The following SPATA6 variants were observed in gnomAD, a reference collection of about 807,000 sequenced individuals.
The protein encoded by SPATA6 is spermatogenesis-associated protein 6.
SPATA6 carries 56 observed loss-of-function variants against 65.3 expected under a neutral mutation model. The ratio of observed to expected loss-of-function variants is 0.86; its 90% confidence interval spans 0.69 to 1.07. The LOEUF (loss-of-function observed/expected upper bound fraction) is 1.07. Ranked by LOEUF, SPATA6 falls within the 50% of genes least tolerant of loss-of-function variation. The pLI, the probability that SPATA6 is intolerant of heterozygous loss-of-function variation, is 0.00. For missense variants in SPATA6, 590 were observed against 594.8 expected, an observed-to-expected ratio of 0.99 and a Z score of 0.08; for synonymous variants, 199 against 213.2, an observed-to-expected ratio of 0.93 and a Z score of 0.58.
chr1:48,322,821 T>C (rs1427444441), intron 11 of SPATA6, among the ~76,000 whole-genome samples: 1 of 152,142 alleles, frequency 6.6e-6, no homozygotes, highest in Non-Finnish European at 1.5e-5. Context: ...TATGAAAAAA[T>C]GCTCATCATC....
In SPATA6 at chr1:48,426,040, T is replaced by C. The variant is rs368757844; in HGVS notation, c.239-12889A>G. Among the ~76,000 whole-genome samples, 159 of 152,234 alleles carry C rather than the reference T, an allele frequency of 1.0e-3. 1 individual carries two copies. Among genetic ancestry groups the C allele is most frequent in the African/African-American group, 3.6e-3 (148 of 41,536 alleles). ...ACAAGAATCGCTAATGGATTAAAAA[T>C]GTAAGCCACAGAGTGGGACAAGATA... On this transcript the variant is annotated intron_variant, in intron 3 of 12. Transcript: ENST00000371847.
chr1:48,335,611 A>G (rs764978101), intron 11 of SPATA6, among the ~76,000 whole-genome samples: 1 of 152,146 alleles, frequency 6.6e-6, no homozygotes, highest in Non-Finnish European at 1.5e-5. Context: ...CCACTTCCTT[A>G]AAACATATGC....
rs78393265 is a variant in SPATA6, at chr1:48,403,587, G to C, written c.486+215C>G. Among the ~76,000 whole-genome samples the C allele has an allele frequency of 2.4e-3, 369 of 152,104 alleles. 2 individuals carry two copies. The highest frequency in any genetic ancestry group is 3.1e-3 in the Non-Finnish European group (211 of 67,972). On this transcript the variant is annotated intron_variant, in intron 6 of 12. Coordinates refer to ENST00000371847, the MANE Select transcript of SPATA6 (RefSeq NM_019073.4). Reference sequence around the variant, plus strand: ...AAAATAGTAGTAATAATAATCACAAGATGACATCCTCTATCATACACACCA... The same window carrying C: ...AAAATAGTAGTAATAATAATCACAACATGACATCCTCTATCATACACACCA...
Position 48,378,201 on chromosome 1 carries a change from C to A in SPATA6, c.909+7108G>T, listed in dbSNP as rs562956334. Among the ~76,000 whole-genome samples, 3 of 152,292 alleles carry A rather than the reference C, an allele frequency of 2.0e-5. No individual in the cohort carries two copies. The South Asian group carries it at 6.2e-4, about 32-fold the overall frequency. ...GTTTACCAGTTGTTATCTTAATGTA[C>A]TAGCCTTATCAGAAATCAATATATG... On this transcript the variant is annotated intron_variant, in intron 9 of 12. Transcript: ENST00000371847.
chr1:48,344,471 CAT>C (rs933855028), intron 11 of SPATA6, among the ~76,000 whole-genome samples: 1 of 152,052 alleles, frequency 6.6e-6, no homozygotes. Context: ...AAAGGAACCA[CAT>C]AGTCTGCGAG....
chr1:48,471,399 G>A (rs893328059), intron 1 of SPATA6, among the ~76,000 whole-genome samples: 3 of 152,324 alleles, frequency 2.0e-5, no homozygotes, highest in Non-Finnish European at 4.4e-5. Flanking sequence ...AAGGCCCTGG[G>A]AGGGAAGGCA....
intron 8 of SPATA6, among the ~76,000 whole-genome samples, chr1:48,392,236 T>C (rs1412785598): frequency 2.6e-5 from 4 of 152,082 alleles, no homozygotes; most frequent in African/African-American, 7.2e-5. Context: ...ATGAGACTCA[T>C]AAAAGAATCT....
In SPATA6 at chr1:48,305,858, T is replaced by G. The variant is rs1451127222; in HGVS notation, c.1215A>C (p.Lys405Asn). ...TTCTTTTCAGTTCCAGTTCATCATCTTTCTCTAGGTCTCTCTCATCCTGAA... is the reference window on the plus strand; with the variant it reads ...TTCTTTTCAGTTCCAGTTCATCATCGTTCTCTAGGTCTCTCTCATCCTGAA... ...RHLYDERDLE[K>N]DDELELKRSL... is the part of the protein sequence containing the mutation. Residue 405 changes from lysine to asparagine, a missense_variant, in exon 12 of 13, where the codon AAA becomes AAC. Lys to Asn is a moderately conservative substitution (Grantham distance 94). Coordinates refer to ENST00000371847, the MANE Select transcript of SPATA6 (RefSeq NM_019073.4). 1 of 1,612,124 alleles carries G rather than the reference T, an allele frequency of 6.2e-7. No individual in the cohort carries two copies. The highest frequency in any genetic ancestry group is 8.5e-7 in the Non-Finnish European group (1 of 1,178,826).
intron 9 of SPATA6, among the ~76,000 whole-genome samples, chr1:48,361,225 G>C (rs1646803760): frequency 6.6e-6 from 1 of 152,110 alleles, no homozygotes; most frequent in Admixed American, 6.6e-5. Context: ...CCAATATTTA[G>C]AGGCTTGAAA....
At chr1:48,331,609 T>C (rs1645917291) in intron 11 of SPATA6, among the ~76,000 whole-genome samples, 1 of 152,156 alleles carries the variant, frequency 6.6e-6, no homozygotes, top group African/African-American at 2.4e-5. Context: ...CTGGCATCCC[T>C]GAAAGACATG....
At chr1:48,398,739 A>T (rs897078479) in intron 7 of SPATA6, among the ~76,000 whole-genome samples, 3 of 151,758 alleles carry the variant, frequency 2.0e-5, no homozygotes, top group Non-Finnish European at 3.0e-5. Context: ...AATTTAGCCA[A>T]AGTCTACTTG....
At chr1:48,282,705 A>T in the SPATA6 span, among the ~76,000 whole-genome samples, 1 of 152,172 alleles carries the variant, frequency 6.6e-6, no homozygotes, top group Admixed American at 6.5e-5. Context: ...GAGGATGTGG[A>T]GAAATAGGAA....
At chr1:48,418,919 AAAGGG>A (rs1653063884) in intron 3 of SPATA6, among the ~76,000 whole-genome samples, 1 of 150,994 alleles carries the variant, frequency 6.6e-6, no homozygotes, top group African/African-American at 2.5e-5. Context: ...GAGGAAAGGG[AAAGGG>A]AAGGGAAGAA....
chr1:48,381,221 C>A (rs907521395), intron 9 of SPATA6, among the ~76,000 whole-genome samples: 1 of 152,094 alleles, frequency 6.6e-6, no homozygotes, highest in Admixed American at 6.5e-5. Flanking sequence ...GGGTTGGGGA[C>A]TCCTGCTATA....
At chr1:48,399,176 A>G in intron 7 of SPATA6, 175 bp downstream of exon 7, 1 of 774,592 alleles carries the variant, frequency 1.3e-6, no homozygotes, top group Admixed American at 3.1e-5. Context: ...GAAGACTGAA[A>G]AAAAGCAAGT....
intron 8 of SPATA6, among the ~76,000 whole-genome samples, chr1:48,385,716 A>G (rs374348960): frequency 6.6e-6 from 1 of 152,194 alleles, no homozygotes; most frequent in Non-Finnish European, 1.5e-5. Context: ...TTGTCAAACT[A>G]TATGTTTCCT....
chr1:48,317,611 AGC>A (rs1468038404), intron 11 of SPATA6, among the ~76,000 whole-genome samples: 1 of 152,124 alleles, frequency 6.6e-6, no homozygotes, highest in Non-Finnish European at 1.5e-5. Context: ...ACACCAACAT[AGC>A]ACATGTATAT....
chr1:48,320,159 A>G (rs1645559601), intron 11 of SPATA6, among the ~76,000 whole-genome samples: 1 of 152,222 alleles, frequency 6.6e-6, no homozygotes, highest in Non-Finnish European at 1.5e-5. Flanking sequence ...TTGGCCTTAA[A>G]GAGGAGGTAG....
At chr1:48,343,624 TA>T (rs1400331102) in intron 11 of SPATA6, among the ~76,000 whole-genome samples, 1 of 152,082 alleles carries the variant, frequency 6.6e-6, no homozygotes, top group Non-Finnish European at 1.5e-5. Flanking sequence ...ACTTCTGAAA[TA>T]AAAACTGAAC....
Sources: allele counts gnomAD v4.1 joint callset (sites outside exome capture counted in the v4.1 genomes callset), GRCh38; gene constraint gnomAD v4.1.1; transcripts MANE v1.5; gene names NCBI Gene and HGNC (gene_info 2026-07-23, HGNC 2026-07-21).